Variants in XIRP2 observed in about 807,000 individuals in gnomAD.
XIRP2 encodes xin actin-binding repeat-containing protein 2.
A neutral mutation model predicts 277.0 loss-of-function variants in XIRP2; 236 were observed. The observed-to-expected ratio is 0.85, with a 90% CI of 0.77 to 0.95. XIRP2 has a LOEUF of 0.95. Ranked by LOEUF, XIRP2 falls within the 40% of genes least tolerant of loss-of-function variation. The pLI is 0.00. For missense variants in XIRP2, 4,640 were observed against 4,157.5 expected, an observed-to-expected ratio of 1.12 and a Z score of -3.19; for synonymous variants, 1,490 against 1,416.5, an observed-to-expected ratio of 1.05 and a Z score of -1.17.
At chr2:166,960,313 C>T (rs1051788714) in intron 2 of XIRP2, among the ~76,000 whole-genome samples, 3 of 151,460 alleles carry the variant, frequency 2.0e-5, no homozygotes, top group Non-Finnish European at 4.4e-5. Flanking sequence ...GAGTAAGTAG[C>T]AGAACAATTA....
At chr2:166,952,394 G>C (rs1488688288) in intron 2 of XIRP2, among the ~76,000 whole-genome samples, 3 of 151,910 alleles carry the variant, frequency 2.0e-5, no homozygotes, top group Non-Finnish European at 2.9e-5. Context: ...GAACTGCTGA[G>C]GTCTTTATAT....
chr2:167,067,052 C>T (rs1689318803), intron 2 of XIRP2, among the ~76,000 whole-genome samples: 1 of 151,918 alleles, frequency 6.6e-6, no homozygotes, highest in Admixed American at 6.6e-5. Flanking sequence ...GGTCATTGAG[C>T]TTCTTGAATC....
At chr2:167,023,151 C>G (rs1287805531) in intron 2 of XIRP2, among the ~76,000 whole-genome samples, 3 of 152,190 alleles carry the variant, frequency 2.0e-5, no homozygotes, top group Non-Finnish European at 4.4e-5. Context: ...GCCATTCTAA[C>G]TGGTGTGAGA....
intron 2 of XIRP2, among the ~76,000 whole-genome samples, chr2:167,091,308 T>C (rs764729313): frequency 6.6e-6 from 1 of 152,122 alleles, no homozygotes; most frequent in African/African-American, 2.4e-5. Flanking sequence ...CCCTGCCACT[T>C]CTGAGACTCC....
At chr2:167,168,523 A>G (rs1308131907) in intron 3 of XIRP2, among the ~76,000 whole-genome samples, 1 of 152,188 alleles carries the variant, frequency 6.6e-6, no homozygotes, top group Non-Finnish European at 1.5e-5. Context: ...TCAGTCTATT[A>G]ATAAGTCCAT....
chr2:167,152,582 A>C (rs1349466216), intron 3 of XIRP2, among the ~76,000 whole-genome samples: 1 of 152,098 alleles, frequency 6.6e-6, no homozygotes, highest in Non-Finnish European at 1.5e-5. Flanking sequence ...GAAAGAAAAA[A>C]ATATTTACTA....
chr2:167,251,269 G>C lies in XIRP2; in HGVS notation c.9877G>C (p.Val3293Leu). The C allele has an allele frequency of 1.9e-6, 3 of 1,613,578 alleles. No homozygotes were observed. The highest frequency in any genetic ancestry group is 2.5e-6 in the Non-Finnish European group (3 of 1,179,680). ...GCCCGACACTGAAAGTTATGATGCA[G>C]TTGAAATCATCCGCAAGGTTGCAGT... ...MVPDTESYDA[V>L]EIIRKVAVPP... Residue 3293 changes from valine (V) to leucine (L), a missense_variant, in exon 9 of 11, where the codon GTT (valine) becomes CTT (leucine). Transcript: ENST00000409195.
At chr2:166,900,817 TC>T (rs1684368226) in intron 1 of XIRP2, among the ~76,000 whole-genome samples, 1 of 152,056 alleles carries the variant, frequency 6.6e-6, no homozygotes, top group African/African-American at 2.4e-5. Context: ...AGTTACCAGC[TC>T]TGTCCTCTGA....
intron 2 of XIRP2, among the ~76,000 whole-genome samples, chr2:166,962,677 C>T (rs1489295454): frequency 6.6e-6 from 1 of 151,738 alleles, no homozygotes; most frequent in Non-Finnish European, 1.5e-5. Context: ...ATTAATTTGT[C>T]ATGGAGATAA....
chr2:167,066,414 C>G (rs1689304429), intron 2 of XIRP2, among the ~76,000 whole-genome samples: 1 of 151,880 alleles, frequency 6.6e-6, no homozygotes, highest in Non-Finnish European at 1.5e-5. Context: ...CACATCAAAA[C>G]AACGATGAAA....
intron 2 of XIRP2, among the ~76,000 whole-genome samples, chr2:166,913,804 A>G (rs1684785317): frequency 1.3e-5 from 2 of 152,344 alleles, no homozygotes; most frequent in South Asian, 4.1e-4. Flanking sequence ...AATACATGCA[A>G]AAATCAGGAT....
At chr2:166,963,191 C>A (rs1686342638) in intron 2 of XIRP2, among the ~76,000 whole-genome samples, 1 of 151,366 alleles carries the variant, frequency 6.6e-6, no homozygotes, top group African/African-American at 2.4e-5. Context: ...AATAAAAAAA[C>A]AAAAATCATC....
intron 3 of XIRP2, among the ~76,000 whole-genome samples, chr2:167,179,841 T>A (rs1249340172): frequency 1.3e-5 from 2 of 152,022 alleles, no homozygotes; most frequent in African/African-American, 4.8e-5. Flanking sequence ...GGAGACAGGA[T>A]CTCCCTATGT....
chr2:167,239,864 C>T lies in XIRP2; in HGVS notation c.868C>T (p.His290Tyr). Residue 290 changes from histidine to tyrosine, a missense_variant, in exon 6 of 11, where the codon CAT becomes TAT. Transcript: ENST00000409195. ...GTCTGTGTGCTTTCAGGAGGCAATT[C>T]ATAGCAGCCAGGTTGGCACTTCAAG... Reference protein sequence around the residue: ...HQNRSEQEAIHSSQVGTSRSS... With the variant: ...HQNRSEQEAIYSSQVGTSRSS... 6.2e-7 allele frequency: 1 copy of T among 1,607,442 alleles called. No homozygotes were observed. Among genetic ancestry groups the T allele is most frequent in the Non-Finnish European group, 8.5e-7 (1 of 1,177,704 alleles).
chr2:166,983,296 T>G (rs1319404690), intron 2 of XIRP2, among the ~76,000 whole-genome samples: 1 of 152,160 alleles, frequency 6.6e-6, no homozygotes, highest in Non-Finnish European at 1.5e-5. Context: ...CATTCAAAAA[T>G]TTACATGTGA....
At chr2:166,912,103 G>A (rs543580830) in intron 2 of XIRP2, among the ~76,000 whole-genome samples, 8 of 152,146 alleles carry the variant, frequency 5.3e-5, no homozygotes, top group East Asian at 3.9e-4. Context: ...TGCTCTTCTC[G>A]AGGAGTATCT....
intron 2 of XIRP2, among the ~76,000 whole-genome samples, chr2:167,066,955 T>C (rs528250019): frequency 6.6e-6 from 1 of 152,266 alleles, no homozygotes; most frequent in East Asian, 1.9e-4. Flanking sequence ...TCTTTTTTCC[T>C]TTGGCTTATT....
chr2:166,915,977 C>A (rs1269545107), intron 2 of XIRP2, among the ~76,000 whole-genome samples: 1 of 152,112 alleles, frequency 6.6e-6, no homozygotes, highest in Non-Finnish European at 1.5e-5. Context: ...TAATCTATTG[C>A]ATAATTGGAG....
intron 5 of XIRP2, among the ~76,000 whole-genome samples, chr2:167,221,957 A>G (rs1694448431): frequency 1.3e-5 from 2 of 152,208 alleles, no homozygotes; most frequent in Non-Finnish European, 2.9e-5. Context: ...ATAAAGTCCA[A>G]TCTGTCTGTT....
Sources: allele counts gnomAD v4.1 joint callset (sites outside exome capture counted in the v4.1 genomes callset), GRCh38; gene constraint gnomAD v4.1.1; transcripts MANE v1.5; gene names NCBI Gene and HGNC (gene_info 2026-07-23, HGNC 2026-07-21).